CDYL2: variants seen among roughly 807,000 people sequenced by gnomAD.
CDYL2 encodes chromodomain Y-like protein 2.
A neutral mutation model predicts 49.4 loss-of-function variants in CDYL2; 23 were observed. That is an observed-to-expected ratio of 0.47 (90% confidence interval 0.34 to 0.66). The LOEUF is 0.66. Ranked by LOEUF, CDYL2 falls within the 30% of genes least tolerant of loss-of-function variation. CDYL2 has a pLI of 0.01. For synonymous variants in CDYL2, 360 were observed against 268.8 expected, an observed-to-expected ratio of 1.34 and a Z score of -3.32; for missense variants, 678 against 656.4, an observed-to-expected ratio of 1.03 and a Z score of -0.36.
In CDYL2 at chr16:80,715,959, C is replaced by G. The variant is rs140588983; in HGVS notation, c.25-30830G>C. Among the ~76,000 whole-genome samples the G allele has an allele frequency of 4.2e-3, 643 of 152,316 alleles. 5 individuals are homozygous for G. The highest frequency in any genetic ancestry group is 0.015 in the African/African-American group (619 of 41,580). On this transcript the variant is annotated intron_variant, in intron 1 of 6. Transcript: ENST00000570137. ...AAGCCAGACTTCCTAAGCCCAAAAC[C>G]CAGCTCTGTCGCCGACCTGTGGTTA...
At chr16:80,746,194 T>G (rs1223842865) in intron 1 of CDYL2, among the ~76,000 whole-genome samples, 2 of 152,074 alleles carry the variant, frequency 1.3e-5, no homozygotes, top group African/African-American at 4.8e-5. Flanking sequence ...TACTCCCCAT[T>G]CCCATGACAA....
intron 1 of CDYL2, among the ~76,000 whole-genome samples, chr16:80,709,657 T>C (rs1349474046): frequency 2.0e-5 from 3 of 151,998 alleles, no homozygotes; most frequent in East Asian, 1.9e-4. Flanking sequence ...ACCACACTTG[T>C]GCACAACTTT....
At chr16:80,763,548 G>A (rs1906613368) in intron 1 of CDYL2, among the ~76,000 whole-genome samples, 1 of 152,000 alleles carries the variant, frequency 6.6e-6, no homozygotes, top group African/African-American at 2.4e-5. Context: ...GAAGGCAGAG[G>A]TTGCCGTGAA....
At chr16:80,673,940 G>A (rs1417161961) in intron 2 of CDYL2, among the ~76,000 whole-genome samples, 2 of 152,154 alleles carry the variant, frequency 1.3e-5, no homozygotes, top group Non-Finnish European at 2.9e-5. Context: ...GAGGGACCAC[G>A]AGCCGAGGAG....
chr16:80,678,350 G>A (rs969490760), intron 2 of CDYL2, among the ~76,000 whole-genome samples: 17 of 152,152 alleles, frequency 1.1e-4, no homozygotes, highest in Admixed American at 7.8e-4. Context: ...GAAAATTTTC[G>A]CAACCTACTC....
intron 1 of CDYL2, among the ~76,000 whole-genome samples, chr16:80,711,092 T>C (rs1410414799): frequency 6.6e-6 from 1 of 152,068 alleles, no homozygotes; most frequent in African/African-American, 2.4e-5. Flanking sequence ...AACATACCAA[T>C]GGAAAGTAAA....
intron 1 of CDYL2, among the ~76,000 whole-genome samples, chr16:80,689,462 G>A (rs1012416994): frequency 1.3e-5 from 2 of 152,186 alleles, no homozygotes; most frequent in Admixed American, 6.5e-5. Context: ...AGGAAACTGA[G>A]GCTCAGAGAA....
intron 1 of CDYL2, among the ~76,000 whole-genome samples, chr16:80,694,317 G>C (rs141283044): frequency 1.3e-5 from 2 of 152,230 alleles, no homozygotes; most frequent in African/African-American, 2.4e-5. Context: ...GTTCCTAACA[G>C]GCCACGGCCT....
At chr16:80,621,624 T>G (rs1404286365) in intron 3 of CDYL2, among the ~76,000 whole-genome samples, 1 of 152,264 alleles carries the variant, frequency 6.6e-6, no homozygotes, top group African/African-American at 2.4e-5. Flanking sequence ...GGTTATGCTA[T>G]GGCCACCTGC....
At chr16:80,711,677 C>T (rs1420825384) in intron 1 of CDYL2, among the ~76,000 whole-genome samples, 1 of 152,124 alleles carries the variant, frequency 6.6e-6, no homozygotes, top group Non-Finnish European at 1.5e-5. Flanking sequence ...AACAGTCTGT[C>T]TCCAATGGTT....
Position 80,608,205 on chromosome 16 carries a change from G to A in CDYL2, c.1249C>T (p.Leu417Phe). The change falls in exon 6 of 7, where the codon CTC (leucine) becomes TTC (phenylalanine). Residue 417 changes from leucine (L) to phenylalanine (F), a missense_variant. Coordinates refer to ENST00000570137, the MANE Select transcript of CDYL2 (RefSeq NM_152342.4). ...CTGCTGCAGGCCTCCTGGGCGGTGA[G>A]CTTCCGCCCACAGAACAGCATCTCA... ...ANEMLFCGRKLTAQEACSRGL... is the reference protein window; with the variant it reads ...ANEMLFCGRKFTAQEACSRGL... 5 of 1,590,768 alleles carry A rather than the reference G, an allele frequency of 3.1e-6. No individual in the cohort carries two copies. Among genetic ancestry groups the A allele is most frequent in the Non-Finnish European group, 4.3e-6 (5 of 1,168,096 alleles).
chr16:80,649,210 G>A (rs1301931728), intron 2 of CDYL2, among the ~76,000 whole-genome samples: 2 of 152,112 alleles, frequency 1.3e-5, no homozygotes, highest in Non-Finnish European at 2.9e-5. Flanking sequence ...ATTCTTGTTT[G>A]CAGATGATAT....
At chr16:80,711,234 G>A (rs1173934303) in intron 1 of CDYL2, among the ~76,000 whole-genome samples, 2 of 152,214 alleles carry the variant, frequency 1.3e-5, no homozygotes, top group African/African-American at 4.8e-5. Flanking sequence ...AAAGCAGATG[G>A]CCAACAAGAA....
chr16:80,734,719 A>AATCTGT (rs1905455587), intron 1 of CDYL2, among the ~76,000 whole-genome samples: 1 of 152,180 alleles, frequency 6.6e-6, no homozygotes, highest in Non-Finnish European at 1.5e-5. Context: ...TACCTGCTTA[A>AATCTGT]GCTTAGGAAT....
chr16:80,800,465 A>C (rs1350776995), intron 1 of CDYL2, among the ~76,000 whole-genome samples: 1 of 152,172 alleles, frequency 6.6e-6, no homozygotes, highest in East Asian at 1.9e-4. Context: ...AAACTCTGTT[A>C]TTCTTAGTGG....
At chr16:80,627,520 G>C (rs1265102357) in intron 3 of CDYL2, 2 of 152,134 alleles carry the variant, frequency 1.3e-5, no homozygotes, top group Admixed American at 6.5e-5. Context: ...TTTTAAAAAA[G>C]TTATATCTAG....
intron 1 of CDYL2, among the ~76,000 whole-genome samples, chr16:80,777,962 TA>T (rs148563316): frequency 0.03 from 4,515 of 150,972 alleles, 76 homozygotes; most frequent in South Asian, 0.044. Context: ...AATACTAAAA[TA>T]AAAAAAAATG....
At chr16:80,624,391 T>C (rs1328007295) in intron 3 of CDYL2, among the ~76,000 whole-genome samples, 1 of 152,138 alleles carries the variant, frequency 6.6e-6, no homozygotes, top group African/African-American at 2.4e-5. Context: ...AAGTTCTGAG[T>C]TACCACACCC....
intron 1 of CDYL2, among the ~76,000 whole-genome samples, chr16:80,728,764 T>C (rs1388432314): frequency 1.3e-5 from 2 of 152,174 alleles, no homozygotes; most frequent in South Asian, 2.1e-4. Context: ...CGGCAGAAAC[T>C]CTACAAGCCA....
Sources: gnomAD v4.1 joint callset for allele counts (sites outside exome capture counted in the v4.1 genomes callset) on GRCh38, gnomAD v4.1.1 for gene constraint, MANE v1.5 for transcripts, NCBI Gene and HGNC (gene_info 2026-07-23, HGNC 2026-07-21) for gene names.